MRTFB: variants seen among roughly 807,000 people sequenced by gnomAD.
MRTFB encodes myocardin related transcription factor B.
Under a neutral mutation model 104.2 loss-of-function variants are expected in MRTFB, and 29 were observed. That is an observed-to-expected ratio of 0.28 (90% CI 0.21 to 0.38). MRTFB has a LOEUF of 0.38. Among genes scored for constraint, MRTFB ranks in the 10% least tolerant of loss-of-function variants. The pLI is 1.00. For missense variants in MRTFB, 1,270 were observed against 1,341.6 expected, an observed-to-expected ratio of 0.95 and a Z score of 0.83; for synonymous variants, 535 against 519.5, an observed-to-expected ratio of 1.03 and a Z score of -0.41.
chr16:14,158,588 G>A (rs983849239), intron 3 of MRTFB, among the ~76,000 whole-genome samples: 5 of 152,234 alleles, frequency 3.3e-5, no homozygotes, highest in Admixed American at 3.3e-4. Context: ...ATGAAAGGTA[G>A]TTAATTAAAG....
intron 3 of MRTFB, among the ~76,000 whole-genome samples, chr16:14,148,438 A>G (rs1374145516): frequency 6.6e-6 from 1 of 152,148 alleles, no homozygotes; most frequent in Non-Finnish European, 1.5e-5. Context: ...ATCCATGACA[A>G]TTTTTCTTTG....
At chr16:14,116,602 G>A (rs1269669361) in intron 2 of MRTFB, among the ~76,000 whole-genome samples, 1 of 151,342 alleles carries the variant, frequency 6.6e-6, no homozygotes. Context: ...TCTAAATAAT[G>A]CCTACCAGAT....
At chr16:14,222,583 T>TA (rs397718262) in intron 8 of MRTFB, among the ~76,000 whole-genome samples, 5 of 116,626 alleles carry the variant, frequency 4.3e-5, no homozygotes, top group South Asian at 5.7e-4. Flanking sequence ...TTTTTTTTTT[T>TA]ATTATTATTA....
At chr16:14,054,678 C>T in the MRTFB span, among the ~76,000 whole-genome samples, 2 of 152,302 alleles carry the variant, frequency 1.3e-5, no homozygotes, top group South Asian at 4.1e-4. Context: ...CTAGTAAGCT[C>T]TCTGAGGACA....
intron 9 of MRTFB, among the ~76,000 whole-genome samples, chr16:14,238,519 C>T (rs117743801): frequency 0.013 from 1,950 of 151,966 alleles, 72 homozygotes; most frequent in Admixed American, 0.084. Context: ...TGCTGGGAAG[C>T]GAGGGAGGTT....
At chr16:14,170,068 T>A (rs1277421639) in intron 3 of MRTFB, 1 of 152,198 alleles carries the variant, frequency 6.6e-6, no homozygotes, top group African/African-American at 2.4e-5. Flanking sequence ...TATTTTGTCA[T>A]GATTTTTTCT....
upstream of MRTFB, among the ~76,000 whole-genome samples, chr16:14,070,718 A>C (rs1040273248): frequency 2.0e-5 from 3 of 152,248 alleles, no homozygotes; most frequent in Admixed American, 1.3e-4. Context: ...GCTGAGAGGC[A>C]GCGCCTTGAG....
At chr16:14,164,753 C>A (rs1397941607) in intron 3 of MRTFB, among the ~76,000 whole-genome samples, 2 of 152,172 alleles carry the variant, frequency 1.3e-5, no homozygotes, top group Non-Finnish European at 2.9e-5. Flanking sequence ...CTAATAGGAA[C>A]TGAAGCTTTG....
intron 6 of MRTFB, among the ~76,000 whole-genome samples, chr16:14,216,478 TTGGTTGTACCAATTTTA>T: frequency 6.6e-6 from 1 of 152,224 alleles, no homozygotes; most frequent in East Asian, 1.9e-4. Flanking sequence ...TAGTTTTACA[TTGGTTGTACCAATTTTA>T]TGCATTTGTA....
intron 3 of MRTFB, chr16:14,186,907 C>T (rs2039973678): frequency 6.9e-6 from 11 of 1,598,214 alleles, no homozygotes; most frequent in Non-Finnish European, 9.3e-6. Context: ...CTTCAGAAGC[C>T]TCTCACCATG....
chr16:14,088,417 A>G (rs2034854912), intron 2 of MRTFB, among the ~76,000 whole-genome samples: 1 of 152,178 alleles, frequency 6.6e-6, no homozygotes, highest in Admixed American at 6.5e-5. Flanking sequence ...TTGAATACGG[A>G]TCTCTCTGGC....
At chr16:14,233,117 C>T (rs2042339272) in intron 8 of MRTFB, among the ~76,000 whole-genome samples, 1 of 152,160 alleles carries the variant, frequency 6.6e-6, no homozygotes, top group East Asian at 1.9e-4. Flanking sequence ...CTAGTAACGC[C>T]TTCTGTAGCT....
chr16:14,123,170 C>A (rs2142315791), intron 2 of MRTFB, among the ~76,000 whole-genome samples: 1 of 152,130 alleles, frequency 6.6e-6, no homozygotes. Flanking sequence ...TGTTTAAGTT[C>A]TTTGTAGATT....
rs531757788 is a variant in MRTFB, at chr16:14,222,073, C to T, written c.693+3075C>T. ...GGGATTACAGGAATGAGCCGCCGCACCTGGCCCATTTAATTTTCGATGCAT... is the reference window on the plus strand; with the variant it reads ...GGGATTACAGGAATGAGCCGCCGCATCTGGCCCATTTAATTTTCGATGCAT... On this transcript the variant is annotated intron_variant, in intron 8 of 16. Coordinates refer to ENST00000571589, the MANE Select transcript of MRTFB (RefSeq NM_001308142.2). Among the ~76,000 whole-genome samples, 6 of 152,258 alleles carry T rather than the reference C, an allele frequency of 3.9e-5. No homozygotes were observed. The East Asian group carries it at 9.6e-4, about 24-fold the overall frequency.
the MRTFB span, among the ~76,000 whole-genome samples, chr16:14,052,315 G>A: frequency 1.3e-5 from 2 of 152,086 alleles, no homozygotes; most frequent in Non-Finnish European, 2.9e-5. Flanking sequence ...ACATATTTAT[G>A]GGGTACATGT....
At chr16:14,229,906 CTTTT>C (rs1263969094) in intron 8 of MRTFB, among the ~76,000 whole-genome samples, 1 of 151,996 alleles carries the variant, frequency 6.6e-6, no homozygotes, top group Admixed American at 6.6e-5. Context: ...AAGTTTGCAG[CTTTT>C]TTTGTTTCTT....
At chr16:14,165,914 C>A (rs1466660700) in intron 3 of MRTFB, among the ~76,000 whole-genome samples, 1 of 152,178 alleles carries the variant, frequency 6.6e-6, no homozygotes, top group East Asian at 1.9e-4. Flanking sequence ...TGTAATTTAA[C>A]CCTCTTTGGA....
chr16:14,180,908 C>G (rs369454933), intron 3 of MRTFB, among the ~76,000 whole-genome samples: 1 of 152,178 alleles, frequency 6.6e-6, no homozygotes, highest in Admixed American at 6.5e-5. Context: ...TTGTGGTGTT[C>G]AATTCTGCTG....
the MRTFB span, among the ~76,000 whole-genome samples, chr16:14,041,281 A>C: frequency 6.6e-6 from 1 of 152,246 alleles, no homozygotes; most frequent in South Asian, 2.1e-4. Context: ...GTTATCCAGC[A>C]GATCTCTAGA....
Sources: gnomAD v4.1 joint callset for allele counts (sites outside exome capture counted in the v4.1 genomes callset) on GRCh38, gnomAD v4.1.1 for gene constraint, MANE v1.5 for transcripts, NCBI Gene and HGNC (gene_info 2026-07-23, HGNC 2026-07-21) for gene names.